Variants in LARGE1 observed in about 807,000 individuals in gnomAD.
LARGE1 encodes the protein xylosyl- and glucuronyltransferase LARGE1.
In LARGE1, 43 loss-of-function variants were observed where a neutral mutation model predicts 87.6. The observed-to-expected ratio is 0.49, with a 90% CI of 0.38 to 0.63. The LOEUF (loss-of-function observed/expected upper bound fraction) is 0.63, where lower values mean the gene tolerates loss of function less well. Ranked by LOEUF, LARGE1 falls within the 30% of genes least tolerant of loss-of-function variation. LARGE1 has a pLI of 0.00. For missense variants in LARGE1, 802 were observed against 1,000.2 expected, an observed-to-expected ratio of 0.80 and a Z score of 2.67; for synonymous variants, 434 against 394.6, an observed-to-expected ratio of 1.10 and a Z score of -1.18.
chr22:33,286,727 CACAT>C (rs1476674995), intron 12 of LARGE1, among the ~76,000 whole-genome samples: 1 of 152,184 alleles, frequency 6.6e-6, no homozygotes, highest in African/African-American at 2.4e-5. Context: ...GATATAAAGA[CACAT>C]ACACATATAT....
At chr22:33,563,556 C>T (rs969887944) in intron 6 of LARGE1, among the ~76,000 whole-genome samples, 5 of 152,140 alleles carry the variant, frequency 3.3e-5, no homozygotes, top group African/African-American at 9.7e-5. Context: ...CAAACAGACA[C>T]GATAGGGGAA....
At chr22:33,120,806 C>A in the LARGE1 span, among the ~76,000 whole-genome samples, 2,916 of 152,094 alleles carry the variant, frequency 0.019, 40 homozygotes, top group Non-Finnish European at 0.03. Context: ...CTTGATCCAC[C>A]ATGCCCAACC....
At position 33,841,651 on chromosome 22, in the gene LARGE1, T is replaced by C. The variant is rs548694758; in HGVS notation, c.-83+78344A>G. 3.3e-5 allele frequency among the ~76,000 whole-genome samples: 5 copies of C among 152,326 alleles called. No individual in the cohort carries two copies. In the South Asian group the frequency reaches 1.0e-3, roughly 32 times the overall value. On this transcript the variant is annotated intron_variant, in intron 1 of 14. Transcript: ENST00000397394. Reference sequence around the variant, plus strand: ...GAAACCACCTCTAAGCCAATTACTATAAGCCAGTATTAGGAATAATCTGAG... The same window carrying C: ...GAAACCACCTCTAAGCCAATTACTACAAGCCAGTATTAGGAATAATCTGAG...
intron 1 of LARGE1, among the ~76,000 whole-genome samples, chr22:33,846,384 T>C (rs2063430231): frequency 6.6e-6 from 1 of 152,254 alleles, no homozygotes; most frequent in Non-Finnish European, 1.5e-5. Context: ...GTCTTTACTT[T>C]AATCTCTTAA....
chr22:33,405,406 T>A (rs1343959457), intron 7 of LARGE1, among the ~76,000 whole-genome samples: 1 of 152,186 alleles, frequency 6.6e-6, no homozygotes, highest in Non-Finnish European at 1.5e-5. Flanking sequence ...GTGGCTGGCT[T>A]CAGGACACGC....
intron 11 of LARGE1, among the ~76,000 whole-genome samples, chr22:33,228,194 G>C (rs1376379230): frequency 1.3e-5 from 2 of 152,344 alleles, no homozygotes; most frequent in South Asian, 4.1e-4. Flanking sequence ...AGTATTTAGA[G>C]CACTGCCTGG....
intron 11 of LARGE1, among the ~76,000 whole-genome samples, chr22:33,249,991 T>G (rs1485961874): frequency 6.6e-6 from 1 of 152,188 alleles, no homozygotes; most frequent in Non-Finnish European, 1.5e-5. Context: ...TTCATTTTTC[T>G]CTTTCAATAT....
intron 9 of LARGE1, among the ~76,000 whole-genome samples, chr22:33,353,118 C>T (rs920704673): frequency 1.1e-4 from 17 of 152,210 alleles, no homozygotes; most frequent in African/African-American, 4.1e-4. Context: ...CACTATCATT[C>T]AGGAAGAACT....
chr22:33,449,577 A>G (rs2067826753), intron 6 of LARGE1, among the ~76,000 whole-genome samples: 1 of 152,240 alleles, frequency 6.6e-6, no homozygotes, highest in Admixed American at 6.5e-5. Flanking sequence ...TTCACTCACA[A>G]GACAAGATGC....
intron 11 of LARGE1, among the ~76,000 whole-genome samples, chr22:33,169,571 G>C (rs184342857): frequency 2.0e-5 from 3 of 152,098 alleles, no homozygotes; most frequent in South Asian, 2.1e-4. Flanking sequence ...GTCCTGAGGG[G>C]CTGGGCGCAG....
Position 33,304,437 on chromosome 22 carries a change from C to T in LARGE1, c.1522G>A (p.Ala508Thr), listed in dbSNP as rs770911031. The T allele has an allele frequency of 1.1e-5, 17 of 1,613,916 alleles. No individual in the cohort carries two copies. The highest frequency in any genetic ancestry group is 5.3e-5 in the African/African-American group (4 of 74,924). Residue 508 changes from alanine to threonine, a missense_variant, in exon 12 of 15, where the codon GCC becomes ACC. Ala to Thr is a moderately conservative substitution (Grantham distance 58, BLOSUM62 0). Transcript: ENST00000397394. ...PISLALYLSD[A>T]EAQQFLRYAQ... ...TAGCGGAGGAACTGCTGGGCCTCGG[C>T]GTCTGACAGGTAGAGGGCCAGGCTG...
intron 6 of LARGE1, among the ~76,000 whole-genome samples, chr22:33,481,306 A>G (rs2069316742): frequency 6.7e-6 from 1 of 150,028 alleles, no homozygotes; most frequent in African/African-American, 2.5e-5. Flanking sequence ...TTGGTTTTCA[A>G]TTTTTTGTTT....
chr22:33,906,880 G>T (rs367938802), intron 1 of LARGE1, among the ~76,000 whole-genome samples: 2 of 152,040 alleles, frequency 1.3e-5, no homozygotes, highest in Non-Finnish European at 2.9e-5. Flanking sequence ...GAGATGAAGG[G>T]AAAGGGAATG....
chr22:33,519,246 G>GTC (rs1307838839), intron 6 of LARGE1, among the ~76,000 whole-genome samples: 1 of 151,842 alleles, frequency 6.6e-6, no homozygotes, highest in East Asian at 1.9e-4. Context: ...GTGTGTGTGT[G>GTC]TGTGTGTGTG....
At chr22:33,868,301 A>C (rs2064168862) in intron 1 of LARGE1, among the ~76,000 whole-genome samples, 2 of 152,126 alleles carry the variant, frequency 1.3e-5, no homozygotes, top group African/African-American at 4.8e-5. Flanking sequence ...CCAGGTTTGG[A>C]ATGCTAGTTC....
chr22:33,259,510 G>T (rs757533064), intron 11 of LARGE1, among the ~76,000 whole-genome samples: 11 of 151,818 alleles, frequency 7.2e-5, no homozygotes, highest in Non-Finnish European at 1.2e-4. Context: ...ACGCGTGTGT[G>T]CATGGACACA....
chr22:33,601,456 T>C (rs1602656171), intron 5 of LARGE1, among the ~76,000 whole-genome samples: 1 of 152,268 alleles, frequency 6.6e-6, no homozygotes, highest in Admixed American at 6.5e-5. Context: ...AGGCAGATCA[T>C]GGCTTTGGGG....
intron 9 of LARGE1, among the ~76,000 whole-genome samples, chr22:33,356,250 G>A (rs1940878402): frequency 6.6e-6 from 1 of 152,178 alleles, no homozygotes; most frequent in Admixed American, 6.5e-5. Flanking sequence ...ACTCAAAAGA[G>A]TTCAGTTCTG....
At chr22:33,587,644 T>C (rs1185620024) in intron 5 of LARGE1, among the ~76,000 whole-genome samples, 1 of 152,154 alleles carries the variant, frequency 6.6e-6, no homozygotes, top group Non-Finnish European at 1.5e-5. Flanking sequence ...AATTTATTAC[T>C]TGTCCTTTAA....
Sources: allele counts gnomAD v4.1 joint callset (sites outside exome capture counted in the v4.1 genomes callset), GRCh38; gene constraint gnomAD v4.1.1; transcripts MANE v1.5; gene names NCBI Gene and HGNC (gene_info 2026-07-23, HGNC 2026-07-21).